The following MTHFD2L variants were observed in gnomAD, a reference collection of about 807,000 sequenced individuals.
The protein encoded by MTHFD2L is bifunctional methylenetetrahydrofolate dehydrogenase/cyclohydrolase 2, mitochondrial.
Under a neutral mutation model 34.9 loss-of-function variants are expected in MTHFD2L, and 29 were observed. The ratio of observed to expected loss-of-function variants is 0.83; its 90% CI spans 0.62 to 1.13. The LOEUF is 1.13. Among genes scored for constraint, MTHFD2L ranks in the 50% most tolerant of loss-of-function variants. The pLI, the probability that MTHFD2L is intolerant of heterozygous loss-of-function variation, is 0.00. For synonymous variants in MTHFD2L, 167 were observed against 155.7 expected (o/e 1.07, Z -0.54); for missense variants, 481 against 446.5 (o/e 1.08, Z -0.70).
intron 5 of MTHFD2L, chr4:74,224,074 G>C (rs990626901): frequency 2.6e-5 from 4 of 152,028 alleles, no homozygotes; most frequent in Non-Finnish European, 5.9e-5. Flanking sequence ...GTTAGAGGAG[G>C]TCCTGTGCAG....
intron 6 of MTHFD2L, among the ~76,000 whole-genome samples, chr4:74,251,005 T>C (rs1207455601): frequency 6.6e-6 from 1 of 152,174 alleles, no homozygotes; most frequent in African/African-American, 2.4e-5. Flanking sequence ...TAGGGAAATA[T>C]CCCTTGTATT....
chr4:74,139,256 G>A (rs936192837), intron 1 of MTHFD2L, among the ~76,000 whole-genome samples: 1 of 152,120 alleles, frequency 6.6e-6, no homozygotes, highest in Admixed American at 6.5e-5. Context: ...TCCCAAAGGT[G>A]ATACCCTAGG....
intron 5 of MTHFD2L, among the ~76,000 whole-genome samples, chr4:74,202,007 A>G (rs1298073400): frequency 2.6e-5 from 4 of 152,214 alleles, no homozygotes; most frequent in African/African-American, 9.6e-5. Context: ...TCTGTCCCAC[A>G]GACCCTGACC....
chr4:74,175,527 A>G (rs1189254637), intron 3 of MTHFD2L, 124 bp downstream of exon 3: 1 of 1,052,400 alleles, frequency 9.5e-7, no homozygotes, highest in Non-Finnish European at 1.4e-6. Context: ...TAGCTATTTT[A>G]CTAGTAATAG....
intron 5 of MTHFD2L, among the ~76,000 whole-genome samples, chr4:74,223,485 A>G (rs1250674901): frequency 6.6e-6 from 1 of 151,960 alleles, no homozygotes; most frequent in African/African-American, 2.4e-5. Context: ...GGTTGGGAGG[A>G]GGGAGGGAAT....
intron 6 of MTHFD2L, among the ~76,000 whole-genome samples, chr4:74,247,861 G>C (rs1045168289): frequency 6.6e-6 from 1 of 152,128 alleles, no homozygotes; most frequent in African/African-American, 2.4e-5. Flanking sequence ...GCTTTTTGAT[G>C]TGCTGCTGGA....
At chr4:74,162,120 G>A (rs536481748) in intron 1 of MTHFD2L, 27 of 152,216 alleles carry the variant, frequency 1.8e-4, no homozygotes, top group African/African-American at 6.3e-4. Context: ...AATTCAGGGC[G>A]GGATATTATC....
intron 2 of MTHFD2L, among the ~76,000 whole-genome samples, chr4:74,117,493 A>C (rs1721675038): frequency 6.6e-6 from 1 of 152,152 alleles, no homozygotes; most frequent in Non-Finnish European, 1.5e-5. Context: ...AGGGAGGTGG[A>C]GGGTGAAAGA....
chr4:74,120,197 A>G (rs1442731197), upstream of MTHFD2L, among the ~76,000 whole-genome samples: 6 of 152,190 alleles, frequency 3.9e-5, no homozygotes, highest in East Asian at 9.6e-4. Context: ...AAAAGGTGGC[A>G]TGTGTTTCTC....
intron 3 of MTHFD2L, 96 bp downstream of exon 3, chr4:74,175,499 A>T (rs1414330982): frequency 1.6e-6 from 2 of 1,288,760 alleles, no homozygotes; most frequent in Admixed American, 4.5e-5. Flanking sequence ...AATTTATAAA[A>T]TACATTCAGA....
intron 5 of MTHFD2L, among the ~76,000 whole-genome samples, chr4:74,206,396 G>A (rs1735324672): frequency 6.7e-6 from 1 of 149,412 alleles, no homozygotes; most frequent in African/African-American, 2.4e-5. Context: ...GAATTTTGTG[G>A]CTGGGTCTCC....
chr4:74,192,633 C>A (rs10028397), intron 3 of MTHFD2L, among the ~76,000 whole-genome samples: 124,459 of 152,078 alleles, frequency 0.82, 54,759 homozygotes, highest in Non-Finnish European at 0.97. Context: ...TCTTCATGCC[C>A]CTTCCCAGAC....
intron 3 of MTHFD2L, among the ~76,000 whole-genome samples, chr4:74,180,087 A>G (rs1327087013): frequency 6.6e-6 from 1 of 152,154 alleles, no homozygotes; most frequent in African/African-American, 2.4e-5. Context: ...CCTATGTTAT[A>G]GAATTTACTA....
chr4:74,297,070 T>C lies in MTHFD2L; in HGVS notation c.932-4627T>C, dbSNP rs1002873698. Among the ~76,000 whole-genome samples the C allele has an allele frequency of 8.5e-5, 13 of 152,092 alleles. 1 individual carries two copies. ...GAACACACACCCTAACATTCTTAAT[T>C]ATGCTGGCAAAGCTATAGCACTTTC... On this transcript the variant is annotated intron_variant, in intron 7 of 7. Transcript: ENST00000325278.
chr4:74,274,041 G>A lies in MTHFD2L; in HGVS notation c.806-7384G>A, dbSNP rs551243275. Among the ~76,000 whole-genome samples, 4 of 151,546 alleles carry A rather than the reference G, an allele frequency of 2.6e-5. No homozygotes were observed. The East Asian group carries it at 5.8e-4, about 22-fold the overall frequency. ...TTTTTTTCTTTTTTCAAGTAGAGATGGGGTTTCACCATGTTGGCCAGGCTG... is the reference window on the plus strand; with the variant it reads ...TTTTTTTCTTTTTTCAAGTAGAGATAGGGTTTCACCATGTTGGCCAGGCTG... On this transcript the variant is annotated intron_variant, in intron 6 of 7. Coordinates refer to ENST00000325278, the MANE Select transcript of MTHFD2L (RefSeq NM_001144978.3).
chr4:74,205,175 A>G (rs549834506), intron 5 of MTHFD2L, among the ~76,000 whole-genome samples: 13 of 152,292 alleles, frequency 8.5e-5, no homozygotes, highest in African/African-American at 3.1e-4. Context: ...GAGTATGATG[A>G]CATGTATTAT....
intron 6 of MTHFD2L, among the ~76,000 whole-genome samples, chr4:74,235,041 A>T (rs746034945): frequency 2.0e-5 from 3 of 152,064 alleles, no homozygotes; most frequent in Non-Finnish European, 2.9e-5. Flanking sequence ...CAAAGAAAAT[A>T]TTTACTCTTT....
chr4:74,206,272 T>C (rs1735296831), intron 5 of MTHFD2L, among the ~76,000 whole-genome samples: 1 of 152,036 alleles, frequency 6.6e-6, no homozygotes, highest in Non-Finnish European at 1.5e-5. Context: ...GTGGAGTAAA[T>C]GTCTGTGTGT....
In MTHFD2L at chr4:74,174,686, T is replaced by C. The variant is rs1728689111; in HGVS notation, c.324T>C (p.Ala108=). The change falls in exon 2 of 8, where the codon GCT becomes GCC. Residue 108 remains alanine (A), a synonymous_variant. Transcript: ENST00000325278. ...YVRNKIRAAS[A]VGICSELILK... is the part of the protein sequence containing the mutation. ...GGAATAAGATAAGAGCTGCCTCTGC[T>C]GTAGGTGGGTGTGTGTTTTAGTTGT... 3 of 1,492,852 alleles carry C rather than the reference T, an allele frequency of 2.0e-6. No homozygotes were observed. Among genetic ancestry groups the C allele is most frequent in the East Asian group, 5.0e-5 (2 of 40,086 alleles). The allele number at this position is 1,492,852 out of a possible 1,614,324, so 92.5% of individuals were successfully genotyped here.
Sources: allele counts gnomAD v4.1 joint callset (sites outside exome capture counted in the v4.1 genomes callset), GRCh38; gene constraint gnomAD v4.1.1; transcripts MANE v1.5; gene names NCBI Gene and HGNC (gene_info 2026-07-23, HGNC 2026-07-21).